The following DPYSL3 variants were observed in gnomAD, a reference collection of about 807,000 sequenced individuals.
DPYSL3 encodes the protein dihydropyrimidinase like 3.
Under a neutral mutation model 66.1 loss-of-function variants are expected in DPYSL3, and 16 were observed. The observed-to-expected ratio is 0.24, with a 90% CI of 0.16 to 0.37. The LOEUF is 0.37. Ranked by LOEUF, DPYSL3 falls within the 10% of genes least tolerant of loss-of-function variation. DPYSL3 has a pLI of 1.00. For missense variants in DPYSL3, 738 were observed against 916.2 expected, an observed-to-expected ratio of 0.81 and a Z score of 2.51; for synonymous variants, 338 against 345.1, an observed-to-expected ratio of 0.98 and a Z score of 0.23.
chr5:147,490,469 T>C (rs1300516181), intron 1 of DPYSL3, among the ~76,000 whole-genome samples: 2 of 152,184 alleles, frequency 1.3e-5, no homozygotes, highest in East Asian at 1.9e-4. Flanking sequence ...GAGTACCAGA[T>C]AGCCATTGTT....
chr5:147,391,738 G>T lies in DPYSL3; in HGVS notation c.*2297C>A, dbSNP rs1757810420. ...GCAATTCCCAGGGATTTCTATGCTT[G>T]GAGAGTTAGTAATGGTAAGTGAAGA... On this transcript the variant is annotated 3_prime_UTR_variant, in exon 14 of 14. Coordinates refer to ENST00000343218, the MANE Select transcript of DPYSL3 (RefSeq NM_001197294.2). The T allele has an allele frequency of 6.6e-6, 1 of 152,178 alleles. No homozygotes were observed. The highest frequency in any genetic ancestry group is 1.5e-5 in the Non-Finnish European group (1 of 68,038). The allele number at this position is 152,178 out of a possible 1,614,324, so 9.4% of individuals were successfully genotyped here.
intron 1 of DPYSL3, among the ~76,000 whole-genome samples, chr5:147,480,204 T>G (rs1434226465): frequency 6.6e-6 from 1 of 152,224 alleles, no homozygotes; most frequent in Non-Finnish European, 1.5e-5. Flanking sequence ...GCATCACTCC[T>G]GTAGCGGCAG....
intron 1 of DPYSL3, among the ~76,000 whole-genome samples, chr5:147,439,473 A>T (rs1459869812): frequency 6.6e-6 from 1 of 152,158 alleles, no homozygotes; most frequent in Non-Finnish European, 1.5e-5. Context: ...AGTCAGTGGC[A>T]GGACTGGAGA....
chr5:147,439,752 C>T (rs1752496781), intron 1 of DPYSL3, among the ~76,000 whole-genome samples: 1 of 152,008 alleles, frequency 6.6e-6, no homozygotes, highest in Non-Finnish European at 1.5e-5. Context: ...AAGTGGTTGG[C>T]TTAATATTCT....
intron 1 of DPYSL3, among the ~76,000 whole-genome samples, chr5:147,484,834 A>G (rs1444229200): frequency 6.6e-6 from 1 of 152,246 alleles, no homozygotes; most frequent in African/African-American, 2.4e-5. Context: ...CTCAGCAAGG[A>G]ATTGGGAAAC....
At chr5:147,429,091 C>A (rs894609000) in intron 1 of DPYSL3, among the ~76,000 whole-genome samples, 2 of 152,028 alleles carry the variant, frequency 1.3e-5, no homozygotes, top group East Asian at 3.9e-4. Context: ...GTCTTGTCTA[C>A]AAAGTTAGCA....
chr5:147,395,853 G>T, intron 12 of DPYSL3, 132 bp from the exon 13 acceptor site: 1 of 1,121,028 alleles, frequency 8.9e-7, no homozygotes, highest in Non-Finnish European at 1.3e-6. Flanking sequence ...GATAATTTGA[G>T]GAAGGGAGAA....
intron 1 of DPYSL3, among the ~76,000 whole-genome samples, chr5:147,504,746 A>G (rs1002474345): frequency 1.3e-5 from 2 of 152,218 alleles, no homozygotes; most frequent in African/African-American, 4.8e-5. Context: ...AACTTCATGA[A>G]GGAAACATCT....
chr5:147,509,958 A>G lies in DPYSL3; in HGVS notation c.-100T>C. The G allele has an allele frequency of 7.0e-7, 1 of 1,429,646 alleles. No homozygotes were observed. The highest frequency in any genetic ancestry group is 9.1e-7 in the Non-Finnish European group (1 of 1,093,964). 88.6% of individuals were successfully genotyped at this position (1,429,646 alleles called of 1,614,324 possible). ...GAGCCACAGTGACTGTGGCGGGAGGAGGCGCCTGAGCCTTCGCGCCAGAGG... is the reference window on the plus strand; with the variant it reads ...GAGCCACAGTGACTGTGGCGGGAGGGGGCGCCTGAGCCTTCGCGCCAGAGG... On this transcript the variant is annotated 5_prime_UTR_variant, in exon 1 of 14. Transcript: ENST00000343218. This position sits in a 1 kb window ranked among gnomAD's most constrained non-coding sequence, Gnocchi z 5.3.
At chr5:147,454,326 G>A (rs1164790437) in intron 1 of DPYSL3, 2 of 152,226 alleles carry the variant, frequency 1.3e-5, no homozygotes, top group African/African-American at 2.4e-5. Flanking sequence ...GGTAAACAGC[G>A]GCGCAGCCCC....
chr5:147,492,387 T>G (rs891974534), intron 1 of DPYSL3, among the ~76,000 whole-genome samples: 1 of 151,986 alleles, frequency 6.6e-6, no homozygotes, highest in Non-Finnish European at 1.5e-5. Flanking sequence ...GAAAACTTTG[T>G]TTTTCCTATT....
intron 8 of DPYSL3, among the ~76,000 whole-genome samples, chr5:147,403,219 G>A (rs1758243404): frequency 6.6e-6 from 1 of 151,660 alleles, no homozygotes; most frequent in South Asian, 2.1e-4. Context: ...TTGGGGGTGA[G>A]AGTAAAAAAA....
intron 3 of DPYSL3, among the ~76,000 whole-genome samples, chr5:147,416,661 C>A (rs1167352016): frequency 6.6e-6 from 1 of 152,168 alleles, no homozygotes; most frequent in East Asian, 1.9e-4. Flanking sequence ...CTGAAATATA[C>A]ATAAAAAACC....
intron 1 of DPYSL3, among the ~76,000 whole-genome samples, chr5:147,493,669 T>C (rs1367285156): frequency 6.6e-6 from 1 of 152,060 alleles, no homozygotes; most frequent in Admixed American, 6.6e-5. Flanking sequence ...AATAAAGACA[T>C]AGTTAAAATG....
At chr5:147,448,202 T>A (rs1278069510) in intron 1 of DPYSL3, among the ~76,000 whole-genome samples, 1 of 152,122 alleles carries the variant, frequency 6.6e-6, no homozygotes, top group African/African-American at 2.4e-5. Flanking sequence ...TGAAAGGATC[T>A]TCATAACATG....
intron 13 of DPYSL3, 28 bp from the exon 14 acceptor site, chr5:147,394,151 GAA>G (rs3838662): frequency 7.0e-7 from 1 of 1,434,490 alleles, no homozygotes; most frequent in Non-Finnish European, 9.5e-7. Flanking sequence ...TTCCCAGGGG[GAA>G]AAAAAAAACA....
intron 3 of DPYSL3, 65 bp downstream of exon 3, chr5:147,418,382 G>A: frequency 6.8e-7 from 1 of 1,460,116 alleles, no homozygotes; most frequent in Non-Finnish European, 9.3e-7. Context: ...GAGAGTTCTG[G>A]AGATAACACA....
chr5:147,443,748 A>G (rs1752577598), intron 1 of DPYSL3, among the ~76,000 whole-genome samples: 1 of 152,194 alleles, frequency 6.6e-6, no homozygotes, highest in African/African-American at 2.4e-5. Flanking sequence ...GTATGAAATG[A>G]GAAGGTGGCA....
chr5:147,414,462 T>C (rs1395125891), intron 4 of DPYSL3, among the ~76,000 whole-genome samples: 1 of 152,154 alleles, frequency 6.6e-6, no homozygotes, highest in Non-Finnish European at 1.5e-5. Context: ...ATAATTTTGG[T>C]CTCTAACCAT....
Sources: gnomAD v4.1 joint callset for allele counts (sites outside exome capture counted in the v4.1 genomes callset) on GRCh38, gnomAD v4.1.1 for gene constraint, Gnocchi (gnomAD v3.1) non-coding constraint, MANE v1.5 for transcripts, NCBI Gene and HGNC (gene_info 2026-07-23, HGNC 2026-07-21) for gene names.